ST8SIA1: variants seen among roughly 807,000 people sequenced by gnomAD.
ST8SIA1 encodes ST8 alpha-N-acetyl-neuraminide alpha-2,8-sialyltransferase 1, also known as alpha-N-acetylneuraminide alpha-2,8-sialyltransferase.
A neutral mutation model predicts 35.9 loss-of-function variants in ST8SIA1; 16 were observed. The observed-to-expected ratio is 0.45, with a 90% CI of 0.30 to 0.68. The LOEUF is 0.68. ST8SIA1 is among the 30% of genes least tolerant of loss of function. The probability of loss-of-function intolerance (pLI) is 0.09; values close to 1 mark genes in which losing one functional copy is unlikely to be tolerated. For missense variants in ST8SIA1, 383 were observed against 453.6 expected (o/e 0.84, Z 1.41); for synonymous variants, 170 against 169.6 (o/e 1.00, Z -0.02).
chr12:22,242,577 C>A (rs1005962344), intron 4 of ST8SIA1, among the ~76,000 whole-genome samples: 2 of 152,106 alleles, frequency 1.3e-5, no homozygotes, highest in Non-Finnish European at 2.9e-5. Flanking sequence ...TTTAAAAAAT[C>A]TTTTAAAGGA....
intron 2 of ST8SIA1, among the ~76,000 whole-genome samples, chr12:22,269,246 G>T (rs1865884381): frequency 6.6e-6 from 1 of 151,892 alleles, no homozygotes; most frequent in Admixed American, 6.6e-5. Context: ...GAAATACAGG[G>T]TTGTTTTTTT....
rs1189768575 is a variant in ST8SIA1, at chr12:22,197,328, C to T, written c.*4224G>A. 2 of 152,182 alleles carry T rather than the reference C, an allele frequency of 1.3e-5. No individual in the cohort carries two copies. Among genetic ancestry groups the T allele is most frequent in the Admixed American group, 6.6e-5 (1 of 15,262 alleles). 9.4% of individuals were successfully genotyped at this position (152,182 alleles called of 1,614,324 possible). A position where few individuals can be genotyped will look rare whatever the true frequency, so the allele number is the denominator to read the frequency against. Reference sequence around the variant, plus strand: ...TTCTACAAACATAGAGAATATATTACCTGGTGCTGGTGGGAAAGTATTTAC... The same window carrying T: ...TTCTACAAACATAGAGAATATATTATCTGGTGCTGGTGGGAAAGTATTTAC... On this transcript the variant is annotated 3_prime_UTR_variant, in exon 5 of 5. Coordinates refer to ENST00000396037, the MANE Select transcript of ST8SIA1 (RefSeq NM_003034.4).
chr12:22,328,662 A>G (rs891020415), intron 1 of ST8SIA1, among the ~76,000 whole-genome samples: 3 of 152,248 alleles, frequency 2.0e-5, no homozygotes, highest in Non-Finnish European at 2.9e-5. Context: ...TCATACATGC[A>G]TGGTATAAAG....
chr12:22,288,236 C>A (rs373165169), intron 1 of ST8SIA1, among the ~76,000 whole-genome samples: 4 of 152,210 alleles, frequency 2.6e-5, no homozygotes, highest in African/African-American at 9.7e-5. Context: ...CTGGCATAAA[C>A]CACTTCTGAA....
chr12:22,248,499 C>T (rs1865629737), intron 4 of ST8SIA1, among the ~76,000 whole-genome samples: 1 of 151,976 alleles, frequency 6.6e-6, no homozygotes, highest in African/African-American at 2.4e-5. Flanking sequence ...ATCTGCTCTC[C>T]CAAATATGAT....
chr12:22,248,019 A>G (rs377406770), intron 4 of ST8SIA1, among the ~76,000 whole-genome samples: 122 of 152,358 alleles, frequency 8.0e-4, no homozygotes, highest in African/African-American at 2.9e-3. Flanking sequence ...ATTGTTTTAC[A>G]TATGGGTAAC....
chr12:22,292,075 T>C (rs1268020952), intron 1 of ST8SIA1, among the ~76,000 whole-genome samples: 1 of 152,176 alleles, frequency 6.6e-6, no homozygotes, highest in Non-Finnish European at 1.5e-5. Flanking sequence ...TGAAGAACTA[T>C]ATTTAATTTT....
rs750159608 is a variant in ST8SIA1 at position 22,287,190 on chromosome 12, A to T, written c.340T>A (p.Ser114Thr). 1.2e-6 allele frequency: 2 copies of T among 1,614,000 alleles called. No homozygotes were observed. Reference sequence around the variant, plus strand: ...TAAGTTGAATTGTCAATGGTGAATGAGTATAAAAACTCCCCGTCATACCAC... The same window carrying T: ...TAAGTTGAATTGTCAATGGTGAATGTGTATAAAAACTCCCCGTCATACCAC... ...SMWYDGEFLY[S>T]FTIDNSTYSL... Residue 114 changes from serine (S) to threonine (T), a missense_variant, in exon 2 of 5, where the codon TCA becomes ACA. Physicochemically the swap from Ser to Thr is moderately conservative, Grantham distance 58. Transcript: ENST00000396037.
At chr12:22,293,649 C>T (rs1288136787) in intron 1 of ST8SIA1, among the ~76,000 whole-genome samples, 1 of 152,218 alleles carries the variant, frequency 6.6e-6, no homozygotes, top group South Asian at 2.1e-4. Context: ...TCACTTAGCA[C>T]ATTATATAGC....
rs1032521769 is a variant in ST8SIA1, at chr12:22,201,385, T to G, written c.*167A>C. 1.1e-6 allele frequency: 1 copy of G among 913,722 alleles called. No homozygotes were observed. Among genetic ancestry groups the G allele is most frequent in the African/African-American group, 1.7e-5 (1 of 60,356 alleles). The allele number at this position is 913,722 out of a possible 1,614,324, so 56.6% of individuals were successfully genotyped here. A position where few individuals can be genotyped will look rare whatever the true frequency, so the allele number is the denominator to read the frequency against. ...AGGATGTTTCATTTCTTATTTGTCC[T>G]CCAAGCCAACGCTGAAAGTAAAGTT... On this transcript the variant is annotated 3_prime_UTR_variant, in exon 5 of 5. Transcript: ENST00000396037.
chr12:22,216,717 T>A (rs1160875992), intron 4 of ST8SIA1, among the ~76,000 whole-genome samples: 1 of 152,224 alleles, frequency 6.6e-6, no homozygotes, highest in Admixed American at 6.5e-5. Context: ...GCTAATGCTA[T>A]GCCTGACATA....
chr12:22,238,871 T>C (rs1484333673), intron 4 of ST8SIA1, among the ~76,000 whole-genome samples: 1 of 152,202 alleles, frequency 6.6e-6, no homozygotes, highest in Non-Finnish European at 1.5e-5. Flanking sequence ...ACTCTTTTTC[T>C]GAGGTATATT....
chr12:22,312,303 C>T (rs191395758), intron 1 of ST8SIA1, among the ~76,000 whole-genome samples: 35 of 152,240 alleles, frequency 2.3e-4, no homozygotes, highest in South Asian at 4.1e-4. Context: ...ATGAATGGCA[C>T]ATCTTTCCCC....
intron 1 of ST8SIA1, among the ~76,000 whole-genome samples, chr12:22,311,882 G>T (rs952883968): frequency 2.0e-5 from 3 of 152,130 alleles, no homozygotes; most frequent in Non-Finnish European, 4.4e-5. Flanking sequence ...ACTTTAAATG[G>T]CTGGCTAGGA....
chr12:22,269,859 T>C (rs937671662), intron 2 of ST8SIA1, among the ~76,000 whole-genome samples: 2 of 152,216 alleles, frequency 1.3e-5, no homozygotes, highest in Non-Finnish European at 2.9e-5. Flanking sequence ...ATCTGATACA[T>C]ATAGCCTGGA....
intron 3 of ST8SIA1, among the ~76,000 whole-genome samples, chr12:22,252,283 C>A (rs896443099): frequency 6.6e-6 from 1 of 152,120 alleles, no homozygotes; most frequent in Non-Finnish European, 1.5e-5. Context: ...CCATTACACA[C>A]CCTACAGTCT....
chr12:22,252,088 C>A (rs1467987366), intron 3 of ST8SIA1, among the ~76,000 whole-genome samples: 1 of 152,156 alleles, frequency 6.6e-6, no homozygotes, highest in African/African-American at 2.4e-5. Flanking sequence ...GGCTACAGAG[C>A]AAATGTTTAC....
At chr12:22,309,797 A>G (rs988708081) in intron 1 of ST8SIA1, among the ~76,000 whole-genome samples, 1 of 152,242 alleles carries the variant, frequency 6.6e-6, no homozygotes, top group Non-Finnish European at 1.5e-5. Context: ...GGATCAGTGA[A>G]GAAAGGAGGG....
At chr12:22,220,183 G>A (rs1591826994) in intron 4 of ST8SIA1, among the ~76,000 whole-genome samples, 1 of 152,136 alleles carries the variant, frequency 6.6e-6, no homozygotes, top group African/African-American at 2.4e-5. Flanking sequence ...CAACTCCAAG[G>A]CCTTGTTTTC....
Sources: allele counts gnomAD v4.1 joint callset (sites outside exome capture counted in the v4.1 genomes callset), GRCh38; gene constraint gnomAD v4.1.1; transcripts MANE v1.5; gene names NCBI Gene and HGNC (gene_info 2026-07-23, HGNC 2026-07-21).